The following ATG7 variants were observed in gnomAD, a reference collection of about 807,000 sequenced individuals.
ATG7 encodes the protein ubiquitin-like modifier-activating enzyme ATG7.
In ATG7, 70 loss-of-function variants were observed where a neutral mutation model predicts 82.4. The ratio of observed to expected loss-of-function variants is 0.85; its 90% CI spans 0.70 to 1.04. The LOEUF (loss-of-function observed/expected upper bound fraction) is 1.04, where lower values mean the gene tolerates loss of function less well. Ranked by LOEUF, ATG7 falls within the 50% of genes least tolerant of loss-of-function variation. ATG7 has a pLI of 0.00. For synonymous variants in ATG7, 287 were observed against 313.0 expected (o/e 0.92, Z 0.88); for missense variants, 792 against 864.3 (o/e 0.92, Z 1.05).
intron 20 of ATG7, among the ~76,000 whole-genome samples, chr3:11,440,262 C>A (rs1473477620): frequency 6.6e-6 from 1 of 151,464 alleles, no homozygotes. Context: ...CGACTCCAAT[C>A]CCAACTTACC....
intron 3 of ATG7, among the ~76,000 whole-genome samples, chr3:11,287,910 A>G (rs1461964355): frequency 6.6e-6 from 1 of 152,256 alleles, no homozygotes; most frequent in Non-Finnish European, 1.5e-5. Flanking sequence ...CAGGTTTGGA[A>G]GATCATTTAG....
intron 20 of ATG7, chr3:11,477,028 T>C (rs2088330440): frequency 8.7e-7 from 1 of 1,146,162 alleles, no homozygotes; most frequent in Non-Finnish European, 1.2e-6. Flanking sequence ...AGTCATTAAA[T>C]GATTGTTATG....
intron 20 of ATG7, among the ~76,000 whole-genome samples, chr3:11,493,075 T>C (rs1374445715): frequency 6.6e-6 from 1 of 152,258 alleles, no homozygotes; most frequent in Non-Finnish European, 1.5e-5. Context: ...TCCCAAATTG[T>C]TGTCCAATGC....
At chr3:11,443,123 T>G (rs1182446671) in intron 20 of ATG7, among the ~76,000 whole-genome samples, 3 of 152,206 alleles carry the variant, frequency 2.0e-5, no homozygotes, top group African/African-American at 7.2e-5. Context: ...CATGGCCTCT[T>G]CTCCAGGTGT....
intron 7 of ATG7, among the ~76,000 whole-genome samples, chr3:11,311,049 C>T (rs1158820692): frequency 1.3e-5 from 2 of 152,228 alleles, no homozygotes; most frequent in East Asian, 3.9e-4. Context: ...TGACAGTTTG[C>T]ATTTAATGAG....
chr3:11,365,164 T>C (rs1264532405), intron 18 of ATG7, among the ~76,000 whole-genome samples: 1 of 152,202 alleles, frequency 6.6e-6, no homozygotes, highest in Non-Finnish European at 1.5e-5. Flanking sequence ...TTGTATGGAT[T>C]ATGGATGGTT....
At chr3:11,498,154 T>TATACATAC (rs560078835) in intron 20 of ATG7, among the ~76,000 whole-genome samples, 1 of 152,086 alleles carries the variant, frequency 6.6e-6, no homozygotes, top group South Asian at 2.1e-4. Flanking sequence ...TATACACACA[T>TATACATAC]ATACATACAT....
At chr3:11,497,732 G>A (rs1460905123) in intron 20 of ATG7, among the ~76,000 whole-genome samples, 1 of 151,710 alleles carries the variant, frequency 6.6e-6, no homozygotes, top group Non-Finnish European at 1.5e-5. Flanking sequence ...GGGCAACTTT[G>A]GTACACGAGG....
intron 9 of ATG7, among the ~76,000 whole-genome samples, chr3:11,325,838 A>G (rs759548211): frequency 6.6e-6 from 1 of 152,140 alleles, no homozygotes; most frequent in Non-Finnish European, 1.5e-5. Flanking sequence ...TAGGAACGGC[A>G]TTTTCTAGAT....
Position 11,555,292 on chromosome 3 carries a change from CTGGGCATGGGTGAGGG to C in ATG7, c.*454_*469del, listed in dbSNP as rs905327929. ...ACCGCAGGCTCCTCCTGTGGGGGCC[CTGGGCATGGGTGAGGG>C]TGGGACCCCGTGAGCGCACTGCACC... On this transcript the variant is annotated 3_prime_UTR_variant, in exon 21 of 21. Coordinates refer to ENST00000693202, the MANE Select transcript of ATG7 (RefSeq NM_001349232.2). 1.2e-5 allele frequency: 2 copies of C among 165,014 alleles called. No individual in the cohort carries two copies. The highest frequency in any genetic ancestry group is 4.8e-5 in the African/African-American group (2 of 41,866). 10.2% of individuals were successfully genotyped at this position (165,014 alleles called of 1,614,324 possible).
chr3:11,477,957 C>A (rs1275982450), intron 20 of ATG7, among the ~76,000 whole-genome samples: 1 of 152,202 alleles, frequency 6.6e-6, no homozygotes, highest in South Asian at 2.1e-4. Context: ...TCTCTATCTT[C>A]TACCTTTCAT....
intron 20 of ATG7, among the ~76,000 whole-genome samples, chr3:11,554,425 C>A (rs59499323): frequency 0.23 from 34,742 of 152,086 alleles, 4,202 homozygotes; most frequent in Middle Eastern, 0.29. Context: ...CCTCAGGGAG[C>A]TTGCCTTCCA....
chr3:11,349,946 G>A (rs889005824), intron 14 of ATG7, among the ~76,000 whole-genome samples: 5 of 152,010 alleles, frequency 3.3e-5, no homozygotes, highest in Non-Finnish European at 7.4e-5. Context: ...TTTTTTTAAG[G>A]TCAACCAGCA....
downstream of ATG7, among the ~76,000 whole-genome samples, chr3:11,559,113 A>C (rs75746233): frequency 2.9e-3 from 441 of 152,366 alleles, 8 homozygotes; most frequent in Admixed American, 0.019. Flanking sequence ...CAACTAGGGC[A>C]TGAGACCCTG....
the ATG7 span, among the ~76,000 whole-genome samples, chr3:11,573,379 GAAAGAAAGAAA>G: frequency 6.9e-6 from 1 of 145,018 alleles, no homozygotes; most frequent in Non-Finnish European, 1.5e-5. Context: ...AAGAAAGAAA[GAAAGAAAGAAA>G]GAAAGAAAAT....
At chr3:11,475,586 G>A (rs902183184) in intron 20 of ATG7, among the ~76,000 whole-genome samples, 6 of 152,046 alleles carry the variant, frequency 3.9e-5, no homozygotes, top group African/African-American at 7.2e-5. Context: ...AAACAGACGC[G>A]GATGCTACCC....
intron 18 of ATG7, among the ~76,000 whole-genome samples, chr3:11,378,879 T>C (rs1005747854): frequency 2.0e-5 from 3 of 151,816 alleles, no homozygotes; most frequent in African/African-American, 7.3e-5. Flanking sequence ...GTGGGGGATT[T>C]GAGGGAGAGG....
At chr3:11,558,302 G>T, downstream of ATG7, 1 of 592,216 alleles carries the variant, frequency 1.7e-6, no homozygotes, top group Non-Finnish European at 2.8e-6. Context: ...TGGTAACTGA[G>T]GCAGGAAGTA....
rs893754851 is a variant in ATG7 at position 11,364,652 on chromosome 3, T to G, written c.1800-7T>G. 7 of 1,613,968 alleles carry G rather than the reference T, an allele frequency of 4.3e-6. No individual in the cohort carries two copies. In the African/African-American group the frequency reaches 9.3e-5, roughly 22 times the overall value. On this transcript the variant is annotated splice_region_variant and splice_polypyrimidine_tract_variant and intron_variant, in intron 17 of 20. Coordinates refer to ENST00000693202, the MANE Select transcript of ATG7 (RefSeq NM_001349232.2). ...AATGAGCAGCTCTGATTGTTTCCTG[T>G]CCTCAGGGGCTATGCCATTGCCAGC...
Sources: gnomAD v4.1 joint callset for allele counts (sites outside exome capture counted in the v4.1 genomes callset) on GRCh38, gnomAD v4.1.1 for gene constraint, MANE v1.5 for transcripts, NCBI Gene and HGNC (gene_info 2026-07-23, HGNC 2026-07-21) for gene names.